Variants in PDZD2 observed in about 807,000 individuals in gnomAD.
PDZD2 encodes PDZ domain containing 2.
Under a neutral mutation model 220.7 loss-of-function variants are expected in PDZD2, and 90 were observed. The ratio of observed to expected loss-of-function variants is 0.41; its 90% confidence interval spans 0.34 to 0.49. The LOEUF (loss-of-function observed/expected upper bound fraction) is 0.49, where lower values mean the gene tolerates loss of function less well. PDZD2 is among the 20% of genes least tolerant of loss of function. The probability of loss-of-function intolerance (pLI) is 0.28; values close to 1 mark genes in which losing one functional copy is unlikely to be tolerated. For synonymous variants in PDZD2, 1,375 were observed against 1,450.5 expected (o/e 0.95, Z 1.18); for missense variants, 3,174 against 3,608.5 (o/e 0.88, Z 3.08).
At chr5:31,950,292 TC>T (rs1430295917) in intron 2 of PDZD2, among the ~76,000 whole-genome samples, 5 of 152,114 alleles carry the variant, frequency 3.3e-5, no homozygotes, top group Non-Finnish European at 1.5e-5. Flanking sequence ...TGAGAGAATC[TC>T]CCCATGGCCC....
At chr5:31,988,508 C>T (rs1290377845) in intron 3 of PDZD2, among the ~76,000 whole-genome samples, 1 of 149,390 alleles carries the variant, frequency 6.7e-6, no homozygotes, top group Non-Finnish European at 1.5e-5. Context: ...ATGTATTCAC[C>T]ATCCTGGAAG....
intron 1 of PDZD2, among the ~76,000 whole-genome samples, chr5:31,676,796 T>G (rs1233744987): frequency 6.6e-6 from 1 of 152,002 alleles, no homozygotes; most frequent in South Asian, 2.1e-4. Flanking sequence ...TCAGGTGATC[T>G]GCCCGCCTCG....
chr5:31,995,510 G>A (rs760239625), intron 3 of PDZD2, 66 bp from the exon 4 acceptor site: 37 of 1,571,770 alleles, frequency 2.4e-5, no homozygotes, highest in Admixed American at 3.3e-5. Context: ...TGACAGCTCC[G>A]TTCTCCTGTG....
intron 17 of PDZD2, among the ~76,000 whole-genome samples, chr5:32,072,889 C>T (rs1740891895): frequency 6.6e-6 from 1 of 152,156 alleles, no homozygotes; most frequent in Non-Finnish European, 1.5e-5. Context: ...GATGGGCAAC[C>T]TGATGCCCTT....
At chr5:31,674,888 G>A (rs1410988075) in intron 1 of PDZD2, among the ~76,000 whole-genome samples, 2 of 152,102 alleles carry the variant, frequency 1.3e-5, no homozygotes, top group Non-Finnish European at 2.9e-5. Flanking sequence ...CAGAGAGAAG[G>A]AGAGGCACAT....
chr5:31,954,211 G>C (rs146322478), intron 2 of PDZD2, among the ~76,000 whole-genome samples: 12 of 152,234 alleles, frequency 7.9e-5, no homozygotes, highest in Non-Finnish European at 1.6e-4. Context: ...CACCACATGA[G>C]TTTTGTTTTT....
At chr5:31,784,302 G>A (rs1001325756) in intron 1 of PDZD2, among the ~76,000 whole-genome samples, 20 of 152,076 alleles carry the variant, frequency 1.3e-4, no homozygotes, top group African/African-American at 4.6e-4. Context: ...TCCCTTCTTC[G>A]CAGCCCCGAA....
At chr5:31,772,194 G>C (rs947872508) in intron 1 of PDZD2, among the ~76,000 whole-genome samples, 9 of 152,246 alleles carry the variant, frequency 5.9e-5, no homozygotes, top group Admixed American at 5.9e-4. Context: ...GTTCACATCT[G>C]TTTCCCGGGT....
intron 1 of PDZD2, among the ~76,000 whole-genome samples, chr5:31,652,520 C>T (rs933735743): frequency 6.6e-6 from 1 of 152,270 alleles, no homozygotes; most frequent in Non-Finnish European, 1.5e-5. Context: ...CCTCACTGCC[C>T]CCAAATCAAC....
At chr5:31,670,160 G>A (rs1580542139) in intron 1 of PDZD2, among the ~76,000 whole-genome samples, 1 of 152,114 alleles carries the variant, frequency 6.6e-6, no homozygotes, top group East Asian at 1.9e-4. Context: ...TAGTTAGGAG[G>A]CATTGTTTTC....
At chr5:32,052,902 C>T (rs1738713309) in intron 9 of PDZD2, among the ~76,000 whole-genome samples, 172 bp downstream of exon 9, 1 of 152,182 alleles carries the variant, frequency 6.6e-6, no homozygotes, top group Non-Finnish European at 1.5e-5. Flanking sequence ...TCTTAAACTC[C>T]TGGGCTCAAG....
intron 2 of PDZD2, among the ~76,000 whole-genome samples, chr5:31,834,589 C>T (rs1435439926): frequency 6.6e-6 from 1 of 151,988 alleles, no homozygotes; most frequent in Non-Finnish European, 1.5e-5. Context: ...GTGCTCATTC[C>T]TGGGGAAGTT....
At chr5:31,766,839 C>T (rs1488117575) in intron 1 of PDZD2, among the ~76,000 whole-genome samples, 1 of 151,514 alleles carries the variant, frequency 6.6e-6, no homozygotes, top group Non-Finnish European at 1.5e-5. Flanking sequence ...AAGTGATTCT[C>T]CTGCCTCAGC....
At chr5:32,027,549 C>G (rs925838937) in intron 6 of PDZD2, among the ~76,000 whole-genome samples, 9 of 152,160 alleles carry the variant, frequency 5.9e-5, no homozygotes, top group African/African-American at 1.4e-4. Flanking sequence ...CGGCTCCCCC[C>G]ACTCCCAGCT....
chr5:31,735,523 G>A (rs150253831), intron 1 of PDZD2, among the ~76,000 whole-genome samples: 1 of 152,176 alleles, frequency 6.6e-6, no homozygotes, highest in South Asian at 2.1e-4. Flanking sequence ...TCCAGGCTGG[G>A]TGCAGTGGCT....
chr5:32,092,879 G>T (rs1318210726), intron 20 of PDZD2, 28 bp from the exon 21 acceptor site: 3 of 1,148,568 alleles, frequency 2.6e-6, no homozygotes, highest in Admixed American at 4.2e-5. Context: ...TTTCTTTAAT[G>T]TTCTTCAAAT....
At chr5:31,643,963 A>T (rs1262565119) in intron 1 of PDZD2, among the ~76,000 whole-genome samples, 1 of 151,638 alleles carries the variant, frequency 6.6e-6, no homozygotes, top group Non-Finnish European at 1.5e-5. Context: ...GGAAGCTGGG[A>T]CTACAGACAC....
intron 1 of PDZD2, among the ~76,000 whole-genome samples, chr5:31,760,883 C>T (rs529379041): frequency 1.6e-4 from 25 of 152,288 alleles, no homozygotes; most frequent in African/African-American, 5.1e-4. Flanking sequence ...GATCACGCCA[C>T]TGCACTCCAG....
intron 2 of PDZD2, among the ~76,000 whole-genome samples, chr5:31,945,675 T>C (rs1164189709): frequency 6.6e-6 from 1 of 151,974 alleles, no homozygotes; most frequent in Non-Finnish European, 1.5e-5. Flanking sequence ...CCTAGGGTGT[T>C]CTGCCGCAGC....
Sources: allele counts gnomAD v4.1 joint callset (sites outside exome capture counted in the v4.1 genomes callset), GRCh38; gene constraint gnomAD v4.1.1; transcripts MANE v1.5; gene names NCBI Gene and HGNC (gene_info 2026-07-23, HGNC 2026-07-21).